NYAP2: variants seen among roughly 807,000 people sequenced by gnomAD.
NYAP2 encodes the protein neuronal tyrosine-phosphorylated phosphoinositide-3-kinase adapter 2.
NYAP2 carries 23 observed loss-of-function variants against 50.4 expected under a neutral mutation model. The observed-to-expected ratio is 0.46, with a 90% CI of 0.33 to 0.65. The LOEUF (loss-of-function observed/expected upper bound fraction) is 0.65. Among genes scored for constraint, NYAP2 ranks in the 30% least tolerant of loss-of-function variants. The pLI is 0.02. For missense variants in NYAP2, 885 were observed against 861.0 expected (o/e 1.03, Z -0.35); for synonymous variants, 394 against 365.2 (o/e 1.08, Z -0.90).
At chr2:225,518,154 A>T (rs748311978) in intron 4 of NYAP2, among the ~76,000 whole-genome samples, 1 of 151,988 alleles carries the variant, frequency 6.6e-6, no homozygotes, top group African/African-American at 2.4e-5. Flanking sequence ...ACACACATAC[A>T]TACAATAGAA....
the NYAP2 span, among the ~76,000 whole-genome samples, chr2:225,692,783 T>C: frequency 1.3e-5 from 2 of 152,010 alleles, no homozygotes; most frequent in African/African-American, 4.8e-5. Context: ...CTTTCCATGA[T>C]ACCATGTTGC....
At chr2:225,403,461 A>C (rs1369861742) in intron 2 of NYAP2, among the ~76,000 whole-genome samples, 2 of 151,914 alleles carry the variant, frequency 1.3e-5, no homozygotes, top group African/African-American at 4.8e-5. Context: ...AATCGCACAA[A>C]ATAAACTATC....
intron 4 of NYAP2, among the ~76,000 whole-genome samples, chr2:225,570,986 A>G (rs1011830107): frequency 6.6e-6 from 1 of 152,264 alleles, no homozygotes; most frequent in Admixed American, 6.5e-5. Context: ...TAGTCAAAAC[A>G]AAGGGGCTAC....
At chr2:225,700,185 C>A in the NYAP2 span, 2 of 151,682 alleles carry the variant, frequency 1.3e-5, no homozygotes, top group Admixed American at 1.3e-4. Flanking sequence ...AATGTTATAA[C>A]ATGATTTTCT....
At chr2:225,606,792 T>C (rs1692794743) in intron 5 of NYAP2, among the ~76,000 whole-genome samples, 1 of 152,124 alleles carries the variant, frequency 6.6e-6, no homozygotes, top group Admixed American at 6.6e-5. Context: ...CTCTTGAATA[T>C]CTCATAAATG....
At chr2:225,566,402 A>C (rs1291837538) in intron 4 of NYAP2, among the ~76,000 whole-genome samples, 3 of 152,200 alleles carry the variant, frequency 2.0e-5, no homozygotes, top group Admixed American at 2.0e-4. Flanking sequence ...AATCCTCAGT[A>C]GACTGTATCT....
chr2:225,551,655 T>A (rs1691679127), intron 4 of NYAP2, among the ~76,000 whole-genome samples: 1 of 152,136 alleles, frequency 6.6e-6, no homozygotes, highest in Non-Finnish European at 1.5e-5. Flanking sequence ...CCCATCAAAA[T>A]AAATTTAGAT....
the NYAP2 span, among the ~76,000 whole-genome samples, chr2:225,688,172 T>A: frequency 3.9e-5 from 6 of 152,262 alleles, no homozygotes; most frequent in African/African-American, 1.4e-4. Context: ...ACGTTCTCAG[T>A]CATTGAACAC....
intron 3 of NYAP2, among the ~76,000 whole-genome samples, chr2:225,451,960 A>G (rs1342020535): frequency 2.0e-5 from 3 of 152,046 alleles, no homozygotes; most frequent in Non-Finnish European, 4.4e-5. Context: ...GCACATACAC[A>G]CACACGTATA....
the NYAP2 span, among the ~76,000 whole-genome samples, chr2:225,684,795 C>T: frequency 6.6e-6 from 1 of 152,130 alleles, no homozygotes; most frequent in Non-Finnish European, 1.5e-5. Context: ...AGGTGATCTG[C>T]CCCCCTCGGC....
In NYAP2 at chr2:225,409,182, T is replaced by G. The variant is rs547572136; in HGVS notation, c.221+81T>G. The G allele has an allele frequency of 2.5e-5, 27 of 1,074,368 alleles. No individual in the cohort carries two copies. In the South Asian group the frequency reaches 4.1e-4, roughly 16 times the overall value. The allele number at this position is 1,074,368 out of a possible 1,614,324, so 66.6% of individuals were successfully genotyped here. A position where few individuals can be genotyped will look rare whatever the true frequency, so the allele number is the denominator to read the frequency against. Reference sequence around the variant, plus strand: ...CTGCTAAAGTTGTGATGTTGTCACTTGGTCAGAAAAGGTCTTCCAGAGTCA... The same window carrying G: ...CTGCTAAAGTTGTGATGTTGTCACTGGGTCAGAAAAGGTCTTCCAGAGTCA... On this transcript the variant is annotated intron_variant, in intron 3 of 6. Coordinates refer to ENST00000636099, the Ensembl canonical transcript of NYAP2.
At chr2:225,670,947 T>A in the NYAP2 span, among the ~76,000 whole-genome samples, 2 of 152,266 alleles carry the variant, frequency 1.3e-5, no homozygotes, top group African/African-American at 4.8e-5. Flanking sequence ...AAAAAAATAC[T>A]TCATTGCTAA....
chr2:225,440,176 A>G (rs1689447351), intron 3 of NYAP2, among the ~76,000 whole-genome samples: 1 of 152,136 alleles, frequency 6.6e-6, no homozygotes, highest in Non-Finnish European at 1.5e-5. Context: ...TCAAACAGCC[A>G]TTTTTTTACA....
chr2:225,463,903 C>T (rs201396586), intron 3 of NYAP2, among the ~76,000 whole-genome samples: 1 of 131,124 alleles, frequency 7.6e-6, no homozygotes, highest in African/African-American at 3.4e-5. Flanking sequence ...CCTGGTTACC[C>T]TCTGGAGCTA....
chr2:225,651,679 G>A, exon 7 of NYAP2: 2 of 1,087,090 alleles, frequency 1.8e-6, no homozygotes, highest in Non-Finnish European at 2.6e-6. Context: ...GGGATGCGGG[G>A]GATGAGTTCT....
At chr2:225,504,596 C>A (rs1409705415) in intron 3 of NYAP2, among the ~76,000 whole-genome samples, 1 of 152,056 alleles carries the variant, frequency 6.6e-6, no homozygotes, top group Non-Finnish European at 1.5e-5. Context: ...ATGTCTTCTA[C>A]CTATAATTGG....
intron 3 of NYAP2, among the ~76,000 whole-genome samples, chr2:225,487,559 C>T (rs186099497): frequency 4.6e-5 from 7 of 152,120 alleles, no homozygotes; most frequent in African/African-American, 9.6e-5. Context: ...AGGGTTTCAC[C>T]GTGTTGGCCA....
chr2:225,642,707 T>C (rs571628489), intron 6 of NYAP2, among the ~76,000 whole-genome samples: 13 of 152,122 alleles, frequency 8.5e-5, no homozygotes, highest in Admixed American at 2.6e-4. Flanking sequence ...GGAGGTAGAG[T>C]TGAAGTCAGC....
chr2:225,407,290 A>T (rs1694957562), intron 2 of NYAP2, among the ~76,000 whole-genome samples: 1 of 152,058 alleles, frequency 6.6e-6, no homozygotes, highest in African/African-American at 2.4e-5. Flanking sequence ...GACTGATAGT[A>T]AAATACAATT....
Sources: gnomAD v4.1 joint callset for allele counts (sites outside exome capture counted in the v4.1 genomes callset) on GRCh38, gnomAD v4.1.1 for gene constraint, MANE v1.5 for transcripts, NCBI Gene and HGNC (gene_info 2026-07-23, HGNC 2026-07-21) for gene names.